The following IDI2 variants were observed in gnomAD, a reference collection of about 807,000 sequenced individuals.
IDI2 encodes the protein isopentenyl-diphosphate delta isomerase 2.
Under a neutral mutation model 14.8 loss-of-function variants are expected in IDI2, and 18 were observed. That is an observed-to-expected ratio of 1.22 (90% CI 0.84 to 1.80). IDI2 has a LOEUF of 1.80. Among genes scored for constraint, IDI2 ranks in the 40% most tolerant of loss-of-function variants. IDI2 has a pLI of 0.00. For missense variants in IDI2, 316 were observed against 283.2 expected (o/e 1.12, Z -0.83); for synonymous variants, 133 against 109.6 (o/e 1.21, Z -1.33).
At chr10:1,022,638 C>T (rs2132185147) in intron 3 of IDI2, 45 bp downstream of exon 3, 2 of 1,410,888 alleles carry the variant, frequency 1.4e-6, no homozygotes, top group South Asian at 2.3e-5. Flanking sequence ...GGTCAAGTCA[C>T]ATGAGATGCT....
At chr10:1,023,072 G>T (rs1165997517) in intron 2 of IDI2, among the ~76,000 whole-genome samples, 1 of 152,196 alleles carries the variant, frequency 6.6e-6, no homozygotes, top group Non-Finnish European at 1.5e-5. Flanking sequence ...TGGGTGCTGA[G>T]CACCATTTAC....
chr10:1,019,872 T>G (rs767591457), intron 4 of IDI2, 38 bp from the exon 5 acceptor site: 2 of 1,369,438 alleles, frequency 1.5e-6, no homozygotes, highest in Admixed American at 3.5e-5. Flanking sequence ...ACAACGCTAA[T>G]GTAAAACACA....
chr10:1,019,604 G>C lies in IDI2; in HGVS notation c.597C>G (p.Thr199=), dbSNP rs768103886. The change falls in exon 5 of 5, where the codon ACC becomes ACG. Residue 199 remains threonine (T), a synonymous_variant. Transcript: ENST00000277517. ...GEVKVTPWLR[T]IAERFLYRWW... is the part of the protein sequence containing the mutation. ...ACCGGTACAGAAACCTCTCGGCAAT[G>C]GTTCTTAGCCAGGGGGTGACTTTGA... 22 of 1,613,892 alleles carry C rather than the reference G, an allele frequency of 1.4e-5. No individual in the cohort carries two copies. In the South Asian group the frequency reaches 2.3e-4, roughly 17 times the overall value.
At chr10:1,019,935 A>T in intron 4 of IDI2, 101 bp from the exon 5 acceptor site, 3 of 935,878 alleles carry the variant, frequency 3.2e-6, no homozygotes, top group Non-Finnish European at 3.3e-6. Context: ...TCAGAAAATG[A>T]ACACTTTCTT....
chr10:1,022,489 T>A (rs1019634416), intron 3 of IDI2, 194 bp downstream of exon 3: 1 of 479,016 alleles, frequency 2.1e-6, no homozygotes, highest in Non-Finnish European at 3.7e-6. Context: ...CTTACTTTTT[T>A]AAAAAAGAAA....
Position 1,024,595 on chromosome 10 carries a change from T to A in IDI2, c.129A>T (p.Glu43Asp). ...ADTKRNCHLN[E>D]NIEKGLLHRA... ...GGCGGGGGCTACCTTTCTCAATGTTTTCGTTCAGATGGCAATTCCTCTTGG... is the reference window on the plus strand; with the variant it reads ...GGCGGGGGCTACCTTTCTCAATGTTATCGTTCAGATGGCAATTCCTCTTGG... Residue 43 changes from glutamate (E) to aspartate (D), a missense_variant, in exon 2 of 5, where the codon GAA becomes GAT. By Grantham distance (45) the Glu-to-Asp change is conservative. Transcript: ENST00000277517. The A allele has an allele frequency of 6.2e-7, 1 of 1,613,996 alleles. No homozygotes were observed. The highest frequency in any genetic ancestry group is 1.3e-5 in the African/African-American group (1 of 74,996).
Position 1,024,643 on chromosome 10 carries a change from A to G in IDI2, c.81T>C (p.Asn27=). The change falls in exon 2 of 5, where the codon AAT becomes AAC. Residue 27 remains asparagine (N), a synonymous_variant. Coordinates refer to ENST00000277517, the MANE Select transcript of IDI2 (RefSeq NM_033261.3). ...TGGTGTCGGCACCAATAACCTTATC[A>G]TTCTCATCCACAACAATCAGCATTT... ...LEEMLIVVDE[N]DKVIGADTKR... 1 of 1,614,116 alleles carries G rather than the reference A, an allele frequency of 6.2e-7. No homozygotes were observed. Among genetic ancestry groups the G allele is most frequent in the Non-Finnish European group, 8.5e-7 (1 of 1,180,008 alleles).
Position 1,020,795 on chromosome 10 carries a change from T to G in IDI2, c.338A>C (p.Gln113Pro). The G allele has an allele frequency of 6.2e-7, 1 of 1,613,432 alleles. No homozygotes were observed. Among genetic ancestry groups the G allele is most frequent in the Non-Finnish European group, 8.5e-7 (1 of 1,179,768 alleles). Residue 113 changes from glutamine to proline, a missense_variant, in exon 4 of 5, where the codon CAA (glutamine) becomes CCA (proline). Physicochemically the swap from Gln to Pro is moderately conservative, Grantham distance 76. Transcript: ENST00000277517. Reference protein sequence around the residue: ...GVRRAAQRRLQAELGIPGEQI... With the variant: ...GVRRAAQRRLPAELGIPGEQI... ...CTCCCCAGGAATTCCCAGCTCTGCT[T>G]GCAGACGCCTCTGGGCTGCCCTCCT... is the stretch of plus-strand genomic sequence containing the variant.
rs778242853 is a variant in IDI2 at position 1,022,826 on chromosome 10, T to C, written c.143-51A>G. On this transcript the variant is annotated intron_variant, in intron 2 of 4. Transcript: ENST00000277517. ...GAGTGCATGCCTGGAGTCTGTACGATTGTCCTTCGTGCTTTTTGTCCTCAG... is the reference window on the plus strand; with the variant it reads ...GAGTGCATGCCTGGAGTCTGTACGACTGTCCTTCGTGCTTTTTGTCCTCAG... The C allele has an allele frequency of 1.0e-5, 14 of 1,352,320 alleles. No individual in the cohort carries two copies. The East Asian group carries it at 2.3e-4, about 22-fold the overall frequency. The allele number at this position is 1,352,320 out of a possible 1,614,324, so 83.8% of individuals were successfully genotyped here. A position where few individuals can be genotyped will look rare whatever the true frequency, so the allele number is the denominator to read the frequency against.
Position 1,019,726 on chromosome 10 carries a change from C to G in IDI2, c.475G>C (p.Val159Leu). 6.2e-7 allele frequency: 1 copy of G among 1,613,944 alleles called. No homozygotes were observed. The highest frequency in any genetic ancestry group is 1.3e-5 in the African/African-American group (1 of 74,974). The part of the protein sequence containing the change: ...ICYLLLVRKN[V>L]TLNPDPSETK... Reference sequence around the variant, plus strand: ...TCACTGGGATCCGGGTTCAGAGTGACGTTTTTCCTCACAAGCAGAAGGTAA... The same window carrying G: ...TCACTGGGATCCGGGTTCAGAGTGAGGTTTTTCCTCACAAGCAGAAGGTAA... The change falls in exon 5 of 5, where the codon GTC (valine) becomes CTC (leucine). Residue 159 changes from valine (V) to leucine (L), a missense_variant. Physicochemically the swap from Val to Leu is conservative, Grantham distance 32 (BLOSUM62 1). Transcript: ENST00000277517.
At position 1,019,803 on chromosome 10, in the gene IDI2, A is replaced by C. The variant is rs1314092559; in HGVS notation, c.398T>G (p.Ile133Ser). ...ISPEDIVFMTIYHHKAKSDRI... is the reference protein window; with the variant it reads ...ISPEDIVFMTSYHHKAKSDRI... ...GTCTGATTTTGCCTTGTGGTGATAGATTGTCATGAACACAATGTCCTCTGG... is the reference window on the plus strand; with the variant it reads ...GTCTGATTTTGCCTTGTGGTGATAGCTTGTCATGAACACAATGTCCTCTGG... Residue 133 changes from isoleucine (I) to serine (S), a missense_variant, in exon 5 of 5, where the codon ATC (isoleucine) becomes AGC (serine). Ile to Ser is a moderately radical substitution (Grantham distance 142). Transcript: ENST00000277517. The C allele has an allele frequency of 1.2e-6, 2 of 1,613,926 alleles. No individual in the cohort carries two copies. Among genetic ancestry groups the C allele is most frequent in the Admixed American group, 1.7e-5 (1 of 59,990 alleles).
In IDI2 at chr10:1,019,689, A is replaced by T. The variant is rs746195930; in HGVS notation, c.512T>A (p.Ile171Asn). 2.5e-6 allele frequency: 4 copies of T among 1,613,912 alleles called. No individual in the cohort carries two copies. The highest frequency in any genetic ancestry group is 4.5e-5 in the East Asian group (2 of 44,842). Residue 171 changes from isoleucine (I) to asparagine (N), a missense_variant, in exon 5 of 5, where the codon ATC becomes AAC. Physicochemically the swap from Ile to Asn is moderately radical, Grantham distance 149. Coordinates refer to ENST00000277517, the MANE Select transcript of IDI2 (RefSeq NM_033261.3). ...LNPDPSETKS[I>N]LYLSQEELWE... ...CAGCTCCTCCTGGGACAGGTAGAGG[A>T]TGCTTTTCGTTTCACTGGGATCCGG...
chr10:1,021,024 G>T, intron 3 of IDI2, 127 bp from the exon 4 acceptor site: 1 of 1,077,742 alleles, frequency 9.3e-7, no homozygotes, highest in South Asian at 1.6e-5. Flanking sequence ...CGGGGGGAGT[G>T]GGTTTGTCAT....
At chr10:1,021,994 T>C (rs1564474851) in intron 3 of IDI2, among the ~76,000 whole-genome samples, 1 of 152,192 alleles carries the variant, frequency 6.6e-6, no homozygotes, top group Non-Finnish European at 1.5e-5. Flanking sequence ...GCCCGGTGGC[T>C]CACGCCTATA....
chr10:1,021,161 A>G (rs1832091589), intron 3 of IDI2, among the ~76,000 whole-genome samples: 1 of 152,126 alleles, frequency 6.6e-6, no homozygotes, highest in Admixed American at 6.5e-5. Flanking sequence ...GTGCACACAC[A>G]TGTCCCGTGG....
chr10:1,023,139 T>C (rs1425795927), intron 2 of IDI2, among the ~76,000 whole-genome samples: 2 of 151,932 alleles, frequency 1.3e-5, no homozygotes, highest in African/African-American at 4.8e-5. Context: ...GTTGAAAACA[T>C]GAGGGTTAGA....
At chr10:1,022,625 TC>T (rs1170479712) in intron 3 of IDI2, 57 bp downstream of exon 3, 1 of 1,307,380 alleles carries the variant, frequency 7.6e-7, no homozygotes, top group Admixed American at 1.7e-5. Context: ...CCCAGATTCC[TC>T]CGGTCAAGTC....
At position 1,020,779 on chromosome 10, in the gene IDI2, A is replaced by G. The variant is rs1208512527; in HGVS notation, c.354T>C (p.Ile118=). 1.2e-6 allele frequency: 2 copies of G among 1,611,930 alleles called. No individual in the cohort carries two copies. Among genetic ancestry groups the G allele is most frequent in the African/African-American group, 1.3e-5 (1 of 74,812 alleles). Residue 118 remains isoleucine (I), a synonymous_variant, in exon 4 of 5, where the codon ATT becomes ATC. Transcript: ENST00000277517. The stretch of plus-strand genomic sequence containing the variant: ...ATGCTGTGTGTACCTGCTCCCCAGG[A>G]ATTCCCAGCTCTGCTTGCAGACGCC... ...AQRRLQAELG[I]PGEQISPEDI... is the part of the protein sequence containing the mutation.
Position 1,022,573 on chromosome 10 carries a change from C to G in IDI2, c.235+110G>C, listed in dbSNP as rs374887993. On this transcript the variant is annotated intron_variant, in intron 3 of 4. Coordinates refer to ENST00000277517, the MANE Select transcript of IDI2 (RefSeq NM_033261.3). Reference sequence around the variant, plus strand: ...GCCGATTTTCTGCAGGATGAGCTGCCAGCTCACCACAGTGCGGCACTGAGC... The same window carrying G: ...GCCGATTTTCTGCAGGATGAGCTGCGAGCTCACCACAGTGCGGCACTGAGC... 5.0e-6 allele frequency: 4 copies of G among 802,096 alleles called. No homozygotes were observed. The African/African-American group carries it at 6.7e-5, about 13-fold the overall frequency. The allele number at this position is 802,096 out of a possible 1,614,324, so 49.7% of individuals were successfully genotyped here.
Sources: gnomAD v4.1 joint callset for allele counts (sites outside exome capture counted in the v4.1 genomes callset) on GRCh38, gnomAD v4.1.1 for gene constraint, MANE v1.5 for transcripts, NCBI Gene and HGNC (gene_info 2026-07-23, HGNC 2026-07-21) for gene names.